Variants in MDGA2 observed in about 807,000 individuals in gnomAD.
The protein encoded by MDGA2 is MAM domain containing glycosylphosphatidylinositol anchor 2.
MDGA2 carries 40 observed loss-of-function variants against 117.8 expected under a neutral mutation model. The observed-to-expected ratio is 0.34, with a 90% CI of 0.26 to 0.44. The LOEUF is 0.44. Ranked by LOEUF, MDGA2 falls within the 20% of genes least tolerant of loss-of-function variation. MDGA2 has a pLI of 1.00. For missense variants in MDGA2, 1,123 were observed against 1,250.6 expected (o/e 0.90, Z 1.54); for synonymous variants, 452 against 439.0 (o/e 1.03, Z -0.37).
At chr14:47,420,057 C>G (rs867947256) in intron 1 of MDGA2, among the ~76,000 whole-genome samples, 5 of 152,006 alleles carry the variant, frequency 3.3e-5, no homozygotes, top group African/African-American at 1.2e-4. Flanking sequence ...GTAAATTATG[C>G]CAGTGTGGGG....
At chr14:47,106,413 G>GA (rs1880679847) in intron 5 of MDGA2, among the ~76,000 whole-genome samples, 1 of 151,952 alleles carries the variant, frequency 6.6e-6, no homozygotes, top group African/African-American at 2.4e-5. Flanking sequence ...AACCGCAGCA[G>GA]CCAGGCGTTC....
chr14:47,492,455 CGT>C (rs1023442617), intron 1 of MDGA2, among the ~76,000 whole-genome samples: 7 of 151,688 alleles, frequency 4.6e-5, no homozygotes, highest in Non-Finnish European at 8.8e-5. Context: ...ATTTTATATA[CGT>C]GTGTGTGTGT....
At chr14:47,090,475 G>A (rs1157264609) in intron 6 of MDGA2, among the ~76,000 whole-genome samples, 1 of 152,110 alleles carries the variant, frequency 6.6e-6, no homozygotes, top group African/African-American at 2.4e-5. Flanking sequence ...CAGAGGCCAT[G>A]GGTTCAAAAA....
chr14:47,073,642 T>C (rs1045239864), intron 6 of MDGA2, among the ~76,000 whole-genome samples: 9 of 152,198 alleles, frequency 5.9e-5, no homozygotes, highest in African/African-American at 2.2e-4. Flanking sequence ...TATTTTATTA[T>C]AAGACAACTC....
chr14:47,245,599 A>G (rs1014769050), intron 2 of MDGA2, among the ~76,000 whole-genome samples: 3 of 151,804 alleles, frequency 2.0e-5, no homozygotes, highest in Non-Finnish European at 4.4e-5. Context: ...AAATAAGAGA[A>G]AAATTTTTCT....
intron 1 of MDGA2, among the ~76,000 whole-genome samples, chr14:47,487,258 T>C (rs925919625): frequency 6.6e-6 from 1 of 152,198 alleles, no homozygotes. Flanking sequence ...ATAATCCCAA[T>C]GGAGAGTTTA....
chr14:47,159,077 G>C (rs1402583495), intron 3 of MDGA2, among the ~76,000 whole-genome samples: 1 of 152,182 alleles, frequency 6.6e-6, no homozygotes, highest in East Asian at 1.9e-4. Context: ...AGGATTTTTA[G>C]GGCAGTGGAA....
chr14:47,627,202 C>A (rs1897161925), intron 1 of MDGA2, among the ~76,000 whole-genome samples: 1 of 152,114 alleles, frequency 6.6e-6, no homozygotes, highest in African/African-American at 2.4e-5. Flanking sequence ...CACCCCGTGC[C>A]TAGCTCAGGG....
chr14:47,291,627 A>G (rs777578270), intron 2 of MDGA2, among the ~76,000 whole-genome samples: 1 of 152,240 alleles, frequency 6.6e-6, no homozygotes, highest in Non-Finnish European at 1.5e-5. Context: ...CTGGATACAC[A>G]GTACGCTGTA....
chr14:46,936,883 C>T (rs1374016556), intron 9 of MDGA2, among the ~76,000 whole-genome samples: 1 of 151,774 alleles, frequency 6.6e-6, no homozygotes, highest in East Asian at 1.9e-4. Flanking sequence ...AGAACTGGAA[C>T]AAGACAAGGA....
intron 1 of MDGA2, among the ~76,000 whole-genome samples, chr14:47,321,799 T>C (rs916413434): frequency 2.3e-4 from 35 of 152,212 alleles, no homozygotes; most frequent in Admixed American, 1.3e-4. Flanking sequence ...AAACTTTTTG[T>C]CTGGAAAATT....
intron 3 of MDGA2, among the ~76,000 whole-genome samples, chr14:47,148,561 G>C (rs1229994945): frequency 6.6e-6 from 1 of 152,140 alleles, no homozygotes; most frequent in African/African-American, 2.4e-5. Flanking sequence ...GCCCACTCCA[G>C]AATACTGATA....
Position 47,544,980 on chromosome 14 carries a change from AATT to A in MDGA2, c.280+129534_280+129536del, listed in dbSNP as rs201062559. Among the ~76,000 whole-genome samples, 8 of 152,344 alleles carry A rather than the reference AATT, an allele frequency of 5.3e-5. No homozygotes were observed. The South Asian group carries it at 1.2e-3, about 24-fold the overall frequency. ...ATGATACCAAGGTAAGTGAGTATAA[AATT>A]ATTATCTAAATTCTGTGCCAACCAA... On this transcript the variant is annotated intron_variant, in intron 1 of 16. Transcript: ENST00000399232.
chr14:47,023,855 A>G lies in MDGA2; in HGVS notation c.1819+11156T>C, dbSNP rs1174873756. 2.0e-5 allele frequency among the ~76,000 whole-genome samples: 3 copies of G among 152,204 alleles called. No individual in the cohort carries two copies. In the East Asian group the frequency reaches 5.8e-4, roughly 29 times the overall value. ...AAATTTGGGGAAGATCTGCTTAGCA[A>G]TGACAGTTTGAGTCATTATATTGCC... On this transcript the variant is annotated intron_variant, in intron 8 of 16. Coordinates refer to ENST00000399232, the MANE Select transcript of MDGA2 (RefSeq NM_001113498.3).
At chr14:47,058,746 A>G (rs1889771718) in intron 7 of MDGA2, 1 of 985,408 alleles carries the variant, frequency 1.0e-6, no homozygotes, top group African/African-American at 1.7e-5. Context: ...TTTTGGCTTG[A>G]AGACAGAATA....
chr14:47,394,976 AC>A (rs1183465155), intron 1 of MDGA2, among the ~76,000 whole-genome samples: 1 of 151,970 alleles, frequency 6.6e-6, no homozygotes, highest in Non-Finnish European at 1.5e-5. Context: ...ACATAGTGAG[AC>A]CCCCGTCTCT....
At chr14:46,857,599 T>C (rs1177721692) in intron 14 of MDGA2, among the ~76,000 whole-genome samples, 4 of 152,190 alleles carry the variant, frequency 2.6e-5, no homozygotes, top group African/African-American at 9.6e-5. Context: ...CTCAGGGTTA[T>C]GCTGAGTTTC....
chr14:47,181,240 C>A (rs1406029910), intron 3 of MDGA2, among the ~76,000 whole-genome samples: 3 of 152,070 alleles, frequency 2.0e-5, no homozygotes, highest in African/African-American at 4.8e-5. Flanking sequence ...CCTTGTCCCC[C>A]ACCTCCCAAT....
intron 1 of MDGA2, among the ~76,000 whole-genome samples, chr14:47,424,061 C>T (rs1594850037): frequency 6.6e-6 from 1 of 152,132 alleles, no homozygotes; most frequent in Non-Finnish European, 1.5e-5. Context: ...GATCCACCTG[C>T]CTCGGCCTCC....
Sources: gnomAD v4.1 joint callset for allele counts (sites outside exome capture counted in the v4.1 genomes callset) on GRCh38, gnomAD v4.1.1 for gene constraint, MANE v1.5 for transcripts, NCBI Gene and HGNC (gene_info 2026-07-23, HGNC 2026-07-21) for gene names.